Variants in AHCYL2 observed in about 807,000 individuals in gnomAD.
AHCYL2 encodes the protein S-adenosylhomocysteine hydrolase-like protein 2.
Under a neutral mutation model 81.4 loss-of-function variants are expected in AHCYL2, and 28 were observed. That is an observed-to-expected ratio of 0.34 (90% CI 0.25 to 0.47). AHCYL2 has a LOEUF of 0.47. Ranked by LOEUF, AHCYL2 falls within the 20% of genes least tolerant of loss-of-function variation. The pLI is 1.00. For missense variants in AHCYL2, 551 were observed against 785.1 expected (o/e 0.70, Z 3.56); for synonymous variants, 272 against 290.2 (o/e 0.94, Z 0.64).
At chr7:129,236,975 AT>A (rs1000538180) in intron 1 of AHCYL2, among the ~76,000 whole-genome samples, 19 of 148,860 alleles carry the variant, frequency 1.3e-4, no homozygotes, top group African/African-American at 3.7e-4. Flanking sequence ...TTCGTATTGG[AT>A]TTTTTTTTTC....
In AHCYL2 at chr7:129,248,177, T is replaced by G. The variant is rs540881974; in HGVS notation, c.363+22738T>G. ...CAGATGTGGAGGTATGTTTCTAGAC[T>G]TTCTTCTGTTCCATTGATCAGCTTG... On this transcript the variant is annotated intron_variant, in intron 1 of 16. Coordinates refer to ENST00000325006, the MANE Select transcript of AHCYL2 (RefSeq NM_015328.4). Among the ~76,000 whole-genome samples the G allele has an allele frequency of 1.4e-4, 22 of 152,352 alleles. No homozygotes were observed. The South Asian group carries it at 4.3e-3, about 30-fold the overall frequency.
chr7:129,397,388 C>T, intron 5 of AHCYL2, 64 bp downstream of exon 5: 2 of 1,415,788 alleles, frequency 1.4e-6, no homozygotes, highest in Non-Finnish European at 1.9e-6. Flanking sequence ...CTTTATGTTT[C>T]AGCATAAATC....
intron 1 of AHCYL2, among the ~76,000 whole-genome samples, chr7:129,275,319 A>G (rs1796163079): frequency 6.6e-6 from 1 of 152,038 alleles, no homozygotes. Context: ...GGAGAATCTC[A>G]TGAACCCGGG....
intron 1 of AHCYL2, chr7:129,375,996 T>C: frequency 6.6e-7 from 1 of 1,524,234 alleles, no homozygotes; most frequent in South Asian, 1.2e-5. Flanking sequence ...CGACTGCTTA[T>C]ACTCTTTTTC....
chr7:129,356,237 C>G (rs1158573424), intron 1 of AHCYL2, among the ~76,000 whole-genome samples: 1 of 152,150 alleles, frequency 6.6e-6, no homozygotes, highest in Non-Finnish European at 1.5e-5. Flanking sequence ...TTCTTTCAGC[C>G]ACATTTTCCC....
intron 1 of AHCYL2, among the ~76,000 whole-genome samples, chr7:129,326,688 A>T (rs974978810): frequency 2.6e-5 from 4 of 152,084 alleles, no homozygotes; most frequent in African/African-American, 9.7e-5. Context: ...GGCTAAGAAG[A>T]AACTCACCAT....
At chr7:129,227,587 T>G (rs1584678279) in intron 1 of AHCYL2, among the ~76,000 whole-genome samples, 2 of 119,158 alleles carry the variant, frequency 1.7e-5, no homozygotes, top group Middle Eastern at 5.6e-3. Flanking sequence ...CTAGCCTGGG[T>G]GCTGGAGTGA....
At chr7:129,340,118 T>G (rs1375198292) in intron 1 of AHCYL2, among the ~76,000 whole-genome samples, 10 of 147,336 alleles carry the variant, frequency 6.8e-5, no homozygotes, top group African/African-American at 2.2e-4. Flanking sequence ...GAGGCAGGGT[T>G]TCACCGTGTT....
chr7:129,227,457 CAAAAAAAA>C (rs58088647), intron 1 of AHCYL2, among the ~76,000 whole-genome samples: 1 of 70,258 alleles, frequency 1.4e-5, no homozygotes, highest in Non-Finnish European at 3.0e-5. Flanking sequence ...CCTCTCTCTC[CAAAAAAAA>C]AAAAAAAAAA....
chr7:129,411,083 TA>T (rs1796551690), intron 11 of AHCYL2, among the ~76,000 whole-genome samples: 1 of 151,852 alleles, frequency 6.6e-6, no homozygotes, highest in Non-Finnish European at 1.5e-5. Flanking sequence ...TTTTTTTTTT[TA>T]ATTGCTTTTT....
At chr7:129,399,525 A>G (rs1486973384) in intron 5 of AHCYL2, among the ~76,000 whole-genome samples, 1 of 152,156 alleles carries the variant, frequency 6.6e-6, no homozygotes, top group Admixed American at 6.5e-5. Context: ...CATTAGGAAC[A>G]TGACACTTAA....
Position 129,430,020 on chromosome 7 carries a change from CATATAT to C in AHCYL2, c.*2986_*2991del, listed in dbSNP as rs553787950. On this transcript the variant is annotated 3_prime_UTR_variant, in exon 17 of 17. Coordinates refer to ENST00000325006, the MANE Select transcript of AHCYL2 (RefSeq NM_015328.4). ...GGACAGGTTCTAAACTCTATATATA[CATATAT>C]ATATATATATCTATATATCTATATA... 3 of 148,128 alleles carry C rather than the reference CATATAT, an allele frequency of 2.0e-5. No individual in the cohort carries two copies. Among genetic ancestry groups the C allele is most frequent in the Non-Finnish European group, 4.5e-5 (3 of 66,922 alleles). The allele number at this position is 148,128 out of a possible 1,614,324, so 9.2% of individuals were successfully genotyped here. A position where few individuals can be genotyped will look rare whatever the true frequency, so the allele number is the denominator to read the frequency against.
At chr7:129,376,049 G>GC in intron 1 of AHCYL2, 1 of 1,250,420 alleles carries the variant, frequency 8.0e-7, no homozygotes, top group South Asian at 1.4e-5. Context: ...CATAAGGTGA[G>GC]CTACCCCTCT....
chr7:129,251,274 G>A (rs1323189853), intron 1 of AHCYL2, among the ~76,000 whole-genome samples: 4 of 147,496 alleles, frequency 2.7e-5, no homozygotes, highest in African/African-American at 1.0e-4. Flanking sequence ...TAGACCATGT[G>A]TGTCTTGTTC....
In AHCYL2 at chr7:129,397,204, G is replaced by A. The variant is rs201820497; in HGVS notation, c.721-18G>A. 77 of 1,609,698 alleles carry A rather than the reference G, an allele frequency of 4.8e-5. No individual in the cohort carries two copies. Among genetic ancestry groups the A allele is most frequent in the Non-Finnish European group, 1.7e-6 (2 of 1,178,166 alleles). The stretch of plus-strand genomic sequence containing the variant: ...TTTGGCCCAGGCTTGCTCATACCCT[G>A]CTTTGTCTTTAATACAGGTGCTTAT... On this transcript the variant is annotated intron_variant, in intron 4 of 16. Coordinates refer to ENST00000325006, the MANE Select transcript of AHCYL2 (RefSeq NM_015328.4).
intron 1 of AHCYL2, among the ~76,000 whole-genome samples, chr7:129,263,360 C>T (rs1480132950): frequency 2.0e-5 from 3 of 152,162 alleles, no homozygotes; most frequent in African/African-American, 7.2e-5. Context: ...TCTTACTTCC[C>T]AGCGTCATTG....
rs769745702 is a variant in AHCYL2 at position 129,267,230 on chromosome 7, GGTGTGT to G, written c.363+41826_363+41831del. 1.8e-3 allele frequency among the ~76,000 whole-genome samples: 107 copies of G among 59,216 alleles called. 1 individual carries two copies. Among genetic ancestry groups the G allele is most frequent in the African/African-American group, 4.5e-3 (104 of 23,128 alleles). The allele number at this position is 59,216 out of a possible 152,430, so 38.8% of individuals were successfully genotyped here. On this transcript the variant is annotated intron_variant, in intron 1 of 16. Transcript: ENST00000325006. ...TCCAAGTTATTGAGTTCACTCAAGG[GGTGTGT>G]GTGTGTGTGTGTGTGTGTGTGTGTG...
chr7:129,352,095 T>C (rs1008472930), intron 1 of AHCYL2, among the ~76,000 whole-genome samples: 7 of 152,160 alleles, frequency 4.6e-5, no homozygotes, highest in African/African-American at 1.7e-4. Flanking sequence ...GGCTGCATGC[T>C]GAAATATAAT....
intron 1 of AHCYL2, among the ~76,000 whole-genome samples, chr7:129,250,049 T>C (rs1160454141): frequency 6.6e-6 from 1 of 152,126 alleles, no homozygotes; most frequent in Non-Finnish European, 1.5e-5. Flanking sequence ...CCCACACCAC[T>C]CCCAACTTCT....
Sources: gnomAD v4.1 joint callset for allele counts (sites outside exome capture counted in the v4.1 genomes callset) on GRCh38, gnomAD v4.1.1 for gene constraint, MANE v1.5 for transcripts, NCBI Gene and HGNC (gene_info 2026-07-23, HGNC 2026-07-21) for gene names.